The following CSMD1 variants were observed in gnomAD, a reference collection of about 807,000 sequenced individuals.
CSMD1 encodes CUB and sushi domain-containing protein 1.
In CSMD1, 213 loss-of-function variants were observed where a neutral mutation model predicts 417.5. The ratio of observed to expected loss-of-function variants is 0.51; its 90% CI spans 0.46 to 0.57. The LOEUF is 0.57. Ranked by LOEUF, CSMD1 falls within the 20% of genes least tolerant of loss-of-function variation. CSMD1 has a pLI of 0.00. For synonymous variants in CSMD1, 2,862 were observed against 1,736.8 expected, an observed-to-expected ratio of 1.65 and a Z score of -16.11; for missense variants, 6,923 against 4,529.7, an observed-to-expected ratio of 1.53 and a Z score of -15.17.
chr8:4,732,871 A>C (rs1809993498), intron 1 of CSMD1, among the ~76,000 whole-genome samples: 1 of 152,194 alleles, frequency 6.6e-6, no homozygotes, highest in South Asian at 2.1e-4. Flanking sequence ...TCATTTAGCA[A>C]GCATTTATAT....
At chr8:3,899,602 C>T (rs1303347360) in intron 5 of CSMD1, among the ~76,000 whole-genome samples, 1 of 152,170 alleles carries the variant, frequency 6.6e-6, no homozygotes, top group Non-Finnish European at 1.5e-5. Flanking sequence ...ATCAATATAG[C>T]TCCAACATAA....
intron 10 of CSMD1, chr8:3,515,286 G>A (rs149078881): frequency 2.6e-5 from 4 of 152,226 alleles, no homozygotes; most frequent in African/African-American, 9.6e-5. Flanking sequence ...GGAGTATGTG[G>A]TGTAAATAAT....
chr8:4,718,714 TAAA>T lies in CSMD1; in HGVS notation c.86-81159_86-81157del, dbSNP rs1260281299. 4.6e-5 allele frequency among the ~76,000 whole-genome samples: 7 copies of T among 152,028 alleles called. No homozygotes were observed. The East Asian group carries it at 1.3e-3, about 29-fold the overall frequency. On this transcript the variant is annotated intron_variant, in intron 1 of 69. Transcript: ENST00000635120. Reference sequence around the variant, plus strand: ...ATAGGTGACAGGAAGTAAATTATCATAAAAGACTAGTTTTTCTATTAAAAAACA... The same window carrying T: ...ATAGGTGACAGGAAGTAAATTATCATAGACTAGTTTTTCTATTAAAAAACA...
chr8:3,771,063 G>C (rs1326923033), intron 5 of CSMD1, among the ~76,000 whole-genome samples: 1 of 151,964 alleles, frequency 6.6e-6, no homozygotes, highest in East Asian at 1.9e-4. Context: ...TTGCATGTCT[G>C]TGGTGGACAA....
intron 11 of CSMD1, among the ~76,000 whole-genome samples, chr8:3,471,869 T>C (rs768938742): frequency 2.1e-4 from 32 of 152,190 alleles, no homozygotes; most frequent in African/African-American, 5.5e-4. Flanking sequence ...AATGTGGGCA[T>C]AGCCGTTAGT....
chr8:3,659,525 G>C (rs931692146), intron 7 of CSMD1, among the ~76,000 whole-genome samples: 8 of 152,142 alleles, frequency 5.3e-5, no homozygotes, highest in Non-Finnish European at 1.2e-4. Context: ...TTTGCCAGCT[G>C]TCCTGGGATG....
chr8:3,582,258 G>A (rs1016157684), intron 9 of CSMD1, among the ~76,000 whole-genome samples: 4 of 151,988 alleles, frequency 2.6e-5, no homozygotes, highest in Non-Finnish European at 2.9e-5. Context: ...GATATATAAC[G>A]TTATCTTTTT....
intron 3 of CSMD1, among the ~76,000 whole-genome samples, chr8:4,418,490 C>G (rs1174490255): frequency 1.3e-5 from 2 of 152,102 alleles, no homozygotes; most frequent in Non-Finnish European, 2.9e-5. Flanking sequence ...ACAAGACCAC[C>G]TTTTCAGCTA....
chr8:3,550,645 T>C (rs1260325817), intron 10 of CSMD1, among the ~76,000 whole-genome samples: 2 of 152,186 alleles, frequency 1.3e-5, no homozygotes, highest in African/African-American at 2.4e-5. Context: ...CTGTTTCCTT[T>C]CTTACTGGTT....
chr8:4,618,376 G>C (rs1284097372), intron 2 of CSMD1, among the ~76,000 whole-genome samples: 2 of 152,068 alleles, frequency 1.3e-5, no homozygotes, highest in Admixed American at 6.6e-5. Context: ...CAATGGAACA[G>C]TTTACTTTGC....
intron 39 of CSMD1, among the ~76,000 whole-genome samples, chr8:3,153,236 G>A (rs144699302): frequency 1.2e-3 from 180 of 152,264 alleles, no homozygotes; most frequent in African/African-American, 4.1e-3. Flanking sequence ...CCACGGCAAC[G>A]TCAGGAACTT....
At chr8:4,429,273 G>T (rs1044759812) in intron 2 of CSMD1, among the ~76,000 whole-genome samples, 1 of 152,084 alleles carries the variant, frequency 6.6e-6, no homozygotes, top group Non-Finnish European at 1.5e-5. Context: ...ATCACTTCTT[G>T]TTGAAGAGAA....
intron 10 of CSMD1, among the ~76,000 whole-genome samples, chr8:3,529,827 C>G (rs1297607108): frequency 3.3e-5 from 5 of 152,176 alleles, no homozygotes; most frequent in African/African-American, 1.2e-4. Flanking sequence ...TCTCAGTGAT[C>G]TGTAAGCCTA....
At chr8:4,136,974 A>C (rs139320633) in intron 3 of CSMD1, among the ~76,000 whole-genome samples, 3 of 152,362 alleles carry the variant, frequency 2.0e-5, no homozygotes, top group African/African-American at 4.8e-5. Flanking sequence ...TATATCAATG[A>C]AACAAATAAA....
intron 3 of CSMD1, among the ~76,000 whole-genome samples, chr8:4,271,898 G>A (rs976063791): frequency 6.6e-6 from 1 of 152,060 alleles, no homozygotes; most frequent in East Asian, 1.9e-4. Context: ...TGTCCACAGG[G>A]GATTGGTTCG....
At position 3,357,141 on chromosome 8, in the gene CSMD1, A is replaced by AG. The variant is rs1257021280; in HGVS notation, c.3304+2010dup. On this transcript the variant is annotated intron_variant, in intron 21 of 69. Transcript: ENST00000635120. Reference sequence around the variant, plus strand: ...CATAAGCAGGTGTGGGGAATTAGAGAGAAATGAAGACAGCACCCGAATGCA... The same window carrying AG: ...CATAAGCAGGTGTGGGGAATTAGAGAGGAAATGAAGACAGCACCCGAATGCA... Among the ~76,000 whole-genome samples the AG allele has an allele frequency of 3.9e-5, 6 of 152,236 alleles. No homozygotes were observed. In the East Asian group the frequency reaches 1.2e-3, roughly 29 times the overall value.
intron 50 of CSMD1, among the ~76,000 whole-genome samples, chr8:3,032,327 AG>A (rs1481982952): frequency 6.6e-6 from 1 of 152,026 alleles, no homozygotes; most frequent in Non-Finnish European, 1.5e-5. Context: ...ATATAAACCA[AG>A]AGGATGCCAG....
intron 3 of CSMD1, among the ~76,000 whole-genome samples, chr8:4,208,289 G>A (rs1264274133): frequency 2.0e-5 from 3 of 152,006 alleles, no homozygotes; most frequent in South Asian, 2.1e-4. Flanking sequence ...GAAACAAGAA[G>A]AATTAGAAAA....
At chr8:3,289,899 C>G (rs1210890771) in intron 25 of CSMD1, among the ~76,000 whole-genome samples, 1 of 147,522 alleles carries the variant, frequency 6.8e-6, no homozygotes, top group Non-Finnish European at 1.5e-5. Context: ...GAAGTCCTTA[C>G]CCATGCCTGT....
Sources: allele counts gnomAD v4.1 joint callset (sites outside exome capture counted in the v4.1 genomes callset), GRCh38; gene constraint gnomAD v4.1.1; transcripts MANE v1.5; gene names NCBI Gene and HGNC (gene_info 2026-07-23, HGNC 2026-07-21).